NBEAL1: variants seen among roughly 807,000 people sequenced by gnomAD.
NBEAL1 encodes neurobeachin-like protein 1.
A neutral mutation model predicts 351.3 loss-of-function variants in NBEAL1; 273 were observed. The observed-to-expected ratio is 0.78, with a 90% CI of 0.70 to 0.86. NBEAL1 has a LOEUF of 0.86. NBEAL1 is among the 40% of genes least tolerant of loss of function. The probability of loss-of-function intolerance (pLI) is 0.00; values close to 1 mark genes in which losing one functional copy is unlikely to be tolerated. For synonymous variants in NBEAL1, 1,050 were observed against 1,086.4 expected (o/e 0.97, Z 0.66); for missense variants, 2,961 against 3,201.3 (o/e 0.92, Z 1.81).
At chr2:203,077,238 C>T (rs1427855195) in intron 7 of NBEAL1, among the ~76,000 whole-genome samples, 1 of 151,886 alleles carries the variant, frequency 6.6e-6, no homozygotes, top group African/African-American at 2.4e-5. Context: ...GGCGTGGTGG[C>T]AGGTGCCTGT....
At chr2:203,160,820 T>C (rs1160289703) in intron 36 of NBEAL1, among the ~76,000 whole-genome samples, 3 of 152,158 alleles carry the variant, frequency 2.0e-5, no homozygotes, top group Non-Finnish European at 2.9e-5. Flanking sequence ...TGTTTTTTGT[T>C]GTAAAACCTG....
chr2:203,099,610 T>G lies in NBEAL1; in HGVS notation c.1186-19T>G, dbSNP rs778563868. On this transcript the variant is annotated intron_variant, in intron 11 of 55. Transcript: ENST00000683969. Reference sequence around the variant, plus strand: ...TGAGCACATTTGTTAATTTCTTGTTTCCCCTTCCCCCTCAATAGGTGTTTC... The same window carrying G: ...TGAGCACATTTGTTAATTTCTTGTTGCCCCTTCCCCCTCAATAGGTGTTTC... 3.4e-6 allele frequency: 5 copies of G among 1,492,454 alleles called. No homozygotes were observed. Among genetic ancestry groups the G allele is most frequent in the Non-Finnish European group, 4.5e-6 (5 of 1,110,108 alleles). 92.5% of individuals were successfully genotyped at this position (1,492,454 alleles called of 1,614,324 possible). A position where few individuals can be genotyped will look rare whatever the true frequency, so the allele number is the denominator to read the frequency against.
intron 7 of NBEAL1, chr2:203,075,257 A>AT (rs1450934976): frequency 2.6e-5 from 4 of 152,104 alleles, no homozygotes; most frequent in Admixed American, 6.5e-5. Flanking sequence ...ATTGAGTTGT[A>AT]TTTTCTTATT....
intron 36 of NBEAL1, among the ~76,000 whole-genome samples, chr2:203,161,093 C>T (rs527882790): frequency 1.3e-4 from 20 of 152,122 alleles, no homozygotes; most frequent in African/African-American, 3.1e-4. Flanking sequence ...TTTGGGAGGC[C>T]GAGGCGGGTG....
intron 37 of NBEAL1, 125 bp from the exon 38 acceptor site, chr2:203,167,102 T>A: frequency 1.2e-6 from 1 of 816,104 alleles, no homozygotes; most frequent in Non-Finnish European, 1.9e-6. Context: ...TAACAAATGG[T>A]TTATATAGTA....
intron 12 of NBEAL1, among the ~76,000 whole-genome samples, chr2:203,105,602 A>G (rs970898227): frequency 7.2e-5 from 11 of 152,336 alleles, no homozygotes; most frequent in African/African-American, 2.6e-4. Context: ...TTCACTATGT[A>G]AATTCTGAAG....
At chr2:203,152,071 C>T (rs1381661945) in intron 35 of NBEAL1, among the ~76,000 whole-genome samples, 1 of 151,904 alleles carries the variant, frequency 6.6e-6, no homozygotes, top group Non-Finnish European at 1.5e-5. Flanking sequence ...AATTCTCATG[C>T]CTCAGCCTCC....
At chr2:203,055,316 T>C (rs2061386465) in intron 4 of NBEAL1, among the ~76,000 whole-genome samples, 1 of 152,092 alleles carries the variant, frequency 6.6e-6, no homozygotes, top group South Asian at 2.1e-4. Context: ...AGAAGTCTTT[T>C]GGTTGGGTGG....
chr2:203,206,395 T>TCCA (rs2065559346), intron 51 of NBEAL1, among the ~76,000 whole-genome samples: 1 of 151,888 alleles, frequency 6.6e-6, no homozygotes, highest in Non-Finnish European at 1.5e-5. Flanking sequence ...TCCCTCTCCC[T>TCCA]CTCTCCCTCT....
At chr2:203,179,579 A>G (rs2064636484) in intron 42 of NBEAL1, among the ~76,000 whole-genome samples, 1 of 152,178 alleles carries the variant, frequency 6.6e-6, no homozygotes, top group African/African-American at 2.4e-5. Context: ...CTTTAGCCAC[A>G]GAGTTATTTC....
In NBEAL1 at chr2:203,110,276, C is replaced by G; in HGVS notation, c.2076C>G (p.Ser692=). ...TTCCTGACCACAGTTTCTGTGATTC[C>G]CTCTGGGTAAGGCTTTAGGGCATCA... The part of the protein sequence containing the change: ...VMLPDHSFCD[S]LWHNITVVHM... Residue 692 remains serine, a synonymous_variant, in exon 15 of 56, where the codon TCC becomes TCG. Coordinates refer to ENST00000683969, the MANE Select transcript of NBEAL1 (RefSeq NM_001378026.1). 2 of 1,551,854 alleles carry G rather than the reference C, an allele frequency of 1.3e-6. No homozygotes were observed.
At chr2:203,029,549 G>A (rs957492433) in intron 2 of NBEAL1, among the ~76,000 whole-genome samples, 23 of 151,998 alleles carry the variant, frequency 1.5e-4, no homozygotes, top group Non-Finnish European at 1.5e-4. Context: ...AAAATTAGCC[G>A]GGCACGATGG....
At chr2:203,201,041 A>C (rs1219754804) in intron 49 of NBEAL1, among the ~76,000 whole-genome samples, 2 of 152,196 alleles carry the variant, frequency 1.3e-5, no homozygotes, top group African/African-American at 4.8e-5. Flanking sequence ...CAGGTATTGC[A>C]CTTGGAAGCT....
At chr2:203,029,925 G>A (rs907242516) in intron 2 of NBEAL1, among the ~76,000 whole-genome samples, 1 of 152,140 alleles carries the variant, frequency 6.6e-6, no homozygotes, top group African/African-American at 2.4e-5. Context: ...CTGAGGGCAT[G>A]CTTTTCCAGC....
chr2:203,200,574 A>T (rs960408455), intron 49 of NBEAL1, among the ~76,000 whole-genome samples: 4 of 150,372 alleles, frequency 2.7e-5, no homozygotes, highest in Admixed American at 2.0e-4. Flanking sequence ...GGAACCTGTA[A>T]TCCAAGCTAC....
chr2:203,081,926 C>T (rs2061881002), intron 8 of NBEAL1, among the ~76,000 whole-genome samples: 1 of 152,184 alleles, frequency 6.6e-6, no homozygotes, highest in South Asian at 2.1e-4. Flanking sequence ...CACAGGGAGA[C>T]CCTGTCTCTA....
intron 16 of NBEAL1, 76 bp from the exon 17 acceptor site, chr2:203,112,939 T>C (rs990523495): frequency 7.8e-7 from 1 of 1,275,900 alleles, no homozygotes; most frequent in Admixed American, 3.4e-5. Context: ...TTATGTACTA[T>C]TTTATTGTGT....
intron 4 of NBEAL1, chr2:203,052,255 ATTTT>A (rs5837836): frequency 6.8e-6 from 1 of 146,174 alleles, no homozygotes. Flanking sequence ...TCAACCACTG[ATTTT>A]TTTTTTTTTT....
chr2:203,085,712 C>T (rs2061950829), intron 10 of NBEAL1: 1 of 152,014 alleles, frequency 6.6e-6, no homozygotes, highest in South Asian at 2.1e-4. Context: ...GGTCAAATAA[C>T]ATTTTTTATT....
Sources: gnomAD v4.1 joint callset for allele counts (sites outside exome capture counted in the v4.1 genomes callset) on GRCh38, gnomAD v4.1.1 for gene constraint, MANE v1.5 for transcripts, NCBI Gene and HGNC (gene_info 2026-07-23, HGNC 2026-07-21) for gene names.